The following NFATC3 variants were observed in gnomAD, a reference collection of about 807,000 sequenced individuals.
NFATC3 encodes the protein nuclear factor of activated T-cells, cytoplasmic 3.
A neutral mutation model predicts 98.6 loss-of-function variants in NFATC3; 46 were observed. The ratio of observed to expected loss-of-function variants is 0.47; its 90% CI spans 0.37 to 0.60. NFATC3 has a LOEUF of 0.60. Among genes scored for constraint, NFATC3 ranks in the 20% least tolerant of loss-of-function variants. NFATC3 has a pLI of 0.00. For synonymous variants in NFATC3, 512 were observed against 472.2 expected, an observed-to-expected ratio of 1.08 and a Z score of -1.09; for missense variants, 1,256 against 1,295.5, an observed-to-expected ratio of 0.97 and a Z score of 0.47.
At chr16:68,189,000 G>A (rs946130242) in intron 8 of NFATC3, among the ~76,000 whole-genome samples, 10 of 152,136 alleles carry the variant, frequency 6.6e-5, no homozygotes, top group African/African-American at 1.2e-4. Flanking sequence ...GAGCCACTGC[G>A]CCCAGCCCCA....
At chr16:68,133,608 C>T (rs1032109585) in intron 3 of NFATC3, among the ~76,000 whole-genome samples, 2 of 152,072 alleles carry the variant, frequency 1.3e-5, no homozygotes, top group Admixed American at 6.6e-5. Context: ...TACCCCCAAC[C>T]GAAGATAATC....
intron 1 of NFATC3, among the ~76,000 whole-genome samples, chr16:68,105,236 G>A (rs1389209942): frequency 2.0e-5 from 3 of 151,226 alleles, no homozygotes; most frequent in South Asian, 2.1e-4. Flanking sequence ...GATTACAGGC[G>A]CCTGCCACCA....
intron 9 of NFATC3, among the ~76,000 whole-genome samples, chr16:68,197,654 T>C (rs1308317033): frequency 6.6e-6 from 1 of 152,240 alleles, no homozygotes; most frequent in African/African-American, 2.4e-5. Flanking sequence ...AACTTTGTAG[T>C]TAGCCGAAGC....
chr16:68,221,464 G>A, intron 9 of NFATC3: 1 of 1,306,200 alleles, frequency 7.7e-7, no homozygotes, highest in Non-Finnish European at 9.7e-7. Context: ...GCAATTACTT[G>A]AGCATGATTT....
chr16:68,221,635 A>C (rs1270891305), intron 9 of NFATC3: 3 of 1,014,184 alleles, frequency 3.0e-6, no homozygotes, highest in Non-Finnish European at 3.6e-6. Context: ...TGGTGAATTC[A>C]TAAATAAGTG....
chr16:68,222,458 C>G (rs1178501520), intron 9 of NFATC3, among the ~76,000 whole-genome samples: 1 of 152,018 alleles, frequency 6.6e-6, no homozygotes, highest in African/African-American at 2.4e-5. Context: ...TCATAGCAGC[C>G]TGGAACATCT....
At chr16:68,164,606 A>G (rs1284058655) in intron 4 of NFATC3, among the ~76,000 whole-genome samples, 1 of 152,124 alleles carries the variant, frequency 6.6e-6, no homozygotes. Flanking sequence ...TTAAAATGGC[A>G]TGGTGGCTCA....
At position 68,156,036 on chromosome 16, in the gene NFATC3, G is replaced by A. The variant is rs540986065; in HGVS notation, c.1402-1833G>A. On this transcript the variant is annotated intron_variant, in intron 3 of 9. Coordinates refer to ENST00000346183, the MANE Select transcript of NFATC3 (RefSeq NM_173165.3). ...TTTTTATTTTAAGTCAAATGGATTG[G>A]CTGGGTGCATTGACTCATGCCTGTA... is the stretch of plus-strand genomic sequence containing the variant. Among the ~76,000 whole-genome samples the A allele has an allele frequency of 5.3e-5, 8 of 152,276 alleles. No individual in the cohort carries two copies. The South Asian group carries it at 1.2e-3, about 24-fold the overall frequency.
At position 68,158,039 on chromosome 16, in the gene NFATC3, A is replaced by G; in HGVS notation, c.1572A>G (p.Pro524=). Residue 524 remains proline, a synonymous_variant, in exon 4 of 10, where the codon CCA becomes CCG. Transcript: ENST00000346183. ...CCAGTACAAAAGTTCTGGAAATTCCACTTCTTCCTGAAAATAATATGTCAG... is the reference window on the plus strand; with the variant it reads ...CCAGTACAAAAGTTCTGGAAATTCCGCTTCTTCCTGAAAATAATATGTCAG... ...IIASTKVLEI[P]LLPENNMSAS... is the part of the protein sequence containing the mutation. 1 of 1,613,024 alleles carries G rather than the reference A, an allele frequency of 6.2e-7. No individual in the cohort carries two copies. Among genetic ancestry groups the G allele is most frequent in the Non-Finnish European group, 8.5e-7 (1 of 1,179,424 alleles).
chr16:68,145,888 G>C (rs537048348), intron 3 of NFATC3, among the ~76,000 whole-genome samples: 1 of 152,284 alleles, frequency 6.6e-6, no homozygotes, highest in South Asian at 2.1e-4. Context: ...TATTGTATCA[G>C]TGTCAATGTC....
chr16:68,118,355 G>A (rs1156491850), intron 1 of NFATC3, among the ~76,000 whole-genome samples: 3 of 152,100 alleles, frequency 2.0e-5, no homozygotes, highest in African/African-American at 2.4e-5. Flanking sequence ...TAATGAGGGC[G>A]GGGGACCATA....
intron 3 of NFATC3, among the ~76,000 whole-genome samples, chr16:68,130,751 TC>T (rs2037073003): frequency 6.6e-6 from 1 of 152,198 alleles, no homozygotes; most frequent in Admixed American, 6.5e-5. Context: ...CCCTGTGTTT[TC>T]TTCTAGTAGT....
chr16:68,176,394 C>T (rs1412157742), intron 6 of NFATC3, among the ~76,000 whole-genome samples: 1 of 149,130 alleles, frequency 6.7e-6, no homozygotes, highest in Non-Finnish European at 1.5e-5. Context: ...GATATTGCCT[C>T]TATTCTTTGA....
rs2038700883 is a variant in NFATC3 at position 68,157,938 on chromosome 16, C to T, written c.1471C>T (p.Arg491Ter). 3 of 1,613,702 alleles carry T rather than the reference C, an allele frequency of 1.9e-6. No homozygotes were observed. The highest frequency in any genetic ancestry group is 1.7e-5 in the Admixed American group (1 of 59,990). Residue 491 changes from arginine (R) to a stop codon, truncating the protein, a stop_gained, in exon 4 of 10, where the codon CGA becomes TGA. Coordinates refer to ENST00000346183, the MANE Select transcript of NFATC3 (RefSeq NM_173165.3). LOFTEE classifies it high-confidence loss of function. Reference protein sequence around the residue: ...FIGTADDRYLRPHAFYQVHRI... With the variant: ...FIGTADDRYL The stretch of plus-strand genomic sequence containing the variant: ...TGGGACAGCAGATGATCGATATTTA[C>T]GACCTCATGCATTTTACCAGGTGCA...
At chr16:68,165,549 A>AT (rs1265860697) in intron 4 of NFATC3, among the ~76,000 whole-genome samples, 3 of 151,826 alleles carry the variant, frequency 2.0e-5, no homozygotes, top group Non-Finnish European at 4.4e-5. Context: ...GGCACACGCC[A>AT]CCATGCCTGG....
chr16:68,191,874 A>G (rs1009903428), intron 9 of NFATC3, 99 bp downstream of exon 9: 4 of 1,274,548 alleles, frequency 3.1e-6, no homozygotes, highest in Non-Finnish European at 2.2e-6. Context: ...TTATTGGCAT[A>G]TGGTTGGGCT....
At chr16:68,185,369 A>G (rs1381538888) in intron 8 of NFATC3, among the ~76,000 whole-genome samples, 2 of 152,086 alleles carry the variant, frequency 1.3e-5, no homozygotes, top group South Asian at 2.1e-4. Flanking sequence ...GTAGCACTCA[A>G]ATTCTTCAAG....
chr16:68,150,533 G>T (rs1396341293), intron 3 of NFATC3, among the ~76,000 whole-genome samples: 1 of 151,410 alleles, frequency 6.6e-6, no homozygotes, highest in Non-Finnish European at 1.5e-5. Flanking sequence ...GTTGAGCTAT[G>T]ATTGTGCCAT....
chr16:68,143,549 A>T (rs574688427), intron 3 of NFATC3, among the ~76,000 whole-genome samples: 1 of 152,226 alleles, frequency 6.6e-6, no homozygotes, highest in South Asian at 2.1e-4. Flanking sequence ...TGGGTTGTGG[A>T]TTTAATTATA....
Sources: gnomAD v4.1 joint callset for allele counts (sites outside exome capture counted in the v4.1 genomes callset) on GRCh38, gnomAD v4.1.1 for gene constraint, MANE v1.5 for transcripts, NCBI Gene and HGNC (gene_info 2026-07-23, HGNC 2026-07-21) for gene names.